Variants in TRRAP observed in about 807,000 individuals in gnomAD.
TRRAP encodes the protein transformation/transcription domain-associated protein.
Under a neutral mutation model 438.8 loss-of-function variants are expected in TRRAP, and 41 were observed. The ratio of observed to expected loss-of-function variants is 0.09; its 90% CI spans 0.07 to 0.12. TRRAP has a LOEUF of 0.12. Among genes scored for constraint, TRRAP ranks in the 10% least tolerant of loss-of-function variants. The pLI is 1.00. For synonymous variants in TRRAP, 1,994 were observed against 1,962.9 expected, an observed-to-expected ratio of 1.02 and a Z score of -0.42; for missense variants, 3,122 against 5,055.1, an observed-to-expected ratio of 0.62 and a Z score of 11.60.
Position 98,897,733 on chromosome 7 carries a change from T to C in TRRAP, c.508-8T>C. ...TTAGGAAAAAATATTTTTATGACTT[T>C]TATGTAGAACCGCTACTTTGAGAAC... On this transcript the variant is annotated splice_polypyrimidine_tract_variant and splice_region_variant and intron_variant, in intron 7 of 72. Transcript: ENST00000456197. 1.2e-6 allele frequency: 2 copies of C among 1,611,052 alleles called. No individual in the cohort carries two copies. The highest frequency in any genetic ancestry group is 1.3e-5 in the African/African-American group (1 of 74,710).
At chr7:98,891,448 A>G (rs1554404859) in intron 4 of TRRAP, among the ~76,000 whole-genome samples, 1 of 149,732 alleles carries the variant, frequency 6.7e-6, no homozygotes. Context: ...TGATCCGCCC[A>G]CCTCGGCCTC....
In TRRAP at chr7:98,921,878, G is replaced by A. The variant is rs782473604; in HGVS notation, c.2748G>A (p.Val916=). 14 of 1,614,110 alleles carry A rather than the reference G, an allele frequency of 8.7e-6. No homozygotes were observed. The highest frequency in any genetic ancestry group is 3.4e-6 in the Non-Finnish European group (4 of 1,180,058). Residue 916 remains valine (V), a synonymous_variant, in exon 21 of 73, where the codon GTG becomes GTA. Transcript: ENST00000456197. ...LKESQKLHYV[V]TEVQGPSITV... is the part of the protein sequence containing the mutation. ...AGTCGCAGAAGCTGCACTACGTTGT[G>A]ACCGAGGTTCAGGGCCCCAGCATCA...
intron 18 of TRRAP, among the ~76,000 whole-genome samples, chr7:98,913,161 A>G (rs1789357299): frequency 6.6e-6 from 1 of 152,020 alleles, no homozygotes; most frequent in Non-Finnish European, 1.5e-5. Context: ...TCACCTGCGC[A>G]TGTTTGCTAC....
rs17161510 is a variant in TRRAP, at chr7:98,921,763, G to A, written c.2633G>A (p.Arg878His). The stretch of plus-strand genomic sequence containing the variant: ...CACGCTGATTTTCAGGCTCTGTGGC[G>A]CACCTTACGCAACCCTGCTGACAGC... ...VRAELMQALW[R>H]TLRNPADSIS... Residue 878 changes from arginine to histidine, a missense_variant, in exon 21 of 73, where the codon CGC (arginine) becomes CAC (histidine). Arg to His is a conservative substitution (Grantham distance 29). Transcript: ENST00000456197. 6.8e-6 allele frequency: 11 copies of A among 1,614,092 alleles called. No homozygotes were observed. Among genetic ancestry groups the A allele is most frequent in the Non-Finnish European group, 7.6e-6 (9 of 1,180,032 alleles).
At chr7:98,909,280 T>A (rs1796945969) in intron 14 of TRRAP, among the ~76,000 whole-genome samples, 1 of 152,158 alleles carries the variant, frequency 6.6e-6, no homozygotes, top group Admixed American at 6.5e-5. Context: ...TGCCTCAGCC[T>A]CCCAAAGTGC....
rs1007667353 is a variant in TRRAP, at chr7:98,976,082, C to T, written c.7840-67C>T. ...GTATGAGACAGATCATGGGTGTCTT[C>T]TGAGCGTGGTTGTGCGAGGCACCCC... On this transcript the variant is annotated intron_variant, in intron 53 of 72. Coordinates refer to ENST00000456197, the MANE Select transcript of TRRAP (RefSeq NM_001375524.1). This position sits in a 1 kb window ranked among gnomAD's most constrained non-coding sequence, Gnocchi z 4.6. 6.9e-6 allele frequency: 11 copies of T among 1,591,806 alleles called. No homozygotes were observed. In the African/African-American group the frequency reaches 8.1e-5, roughly 12 times the overall value.
intron 39 of TRRAP, among the ~76,000 whole-genome samples, chr7:98,952,776 T>C (rs1791397714): frequency 6.6e-6 from 1 of 152,170 alleles, no homozygotes. Context: ...GTTCATCTCA[T>C]GCTCGGTAAG....
intron 45 of TRRAP, among the ~76,000 whole-genome samples, chr7:98,960,757 TTTTGTG>T (rs779961270): frequency 1.1e-5 from 1 of 90,246 alleles, no homozygotes; most frequent in Non-Finnish European, 2.6e-5. Flanking sequence ...ATGCCTGGCT[TTTTGTG>T]TGTGTGTGTG....
intron 46 of TRRAP, among the ~76,000 whole-genome samples, chr7:98,961,735 C>T (rs761638803): frequency 5.5e-4 from 84 of 152,138 alleles, no homozygotes; most frequent in Non-Finnish European, 5.7e-4. Flanking sequence ...GCCTGACCAA[C>T]GTGGAGAAAC....
rs57047314 is a variant in TRRAP at position 98,953,031 on chromosome 7, T to TTG, written c.5464-88_5464-87dup. ...CCTCCTTGTAAAACTTCATGTTACA[T>TTG]TGTGTGTGTGTGTGTGTGTGTGTGT... On this transcript the variant is annotated intron_variant, in intron 39 of 72. Transcript: ENST00000456197. 2,761 of 1,167,394 alleles carry TTG rather than the reference T, an allele frequency of 2.4e-3. 17 individuals are homozygous for TTG. The highest frequency in any genetic ancestry group is 0.02 in the East Asian group (753 of 38,144). 72.3% of individuals were successfully genotyped at this position (1,167,394 alleles called of 1,614,324 possible).
At chr7:98,932,683 CA>C (rs1790377542) in intron 26 of TRRAP, among the ~76,000 whole-genome samples, 1 of 152,156 alleles carries the variant, frequency 6.6e-6, no homozygotes, top group Non-Finnish European at 1.5e-5. Context: ...TATAATCTCC[CA>C]TATACTTTAA....
chr7:98,914,262 T>G (rs1158545163), intron 18 of TRRAP, among the ~76,000 whole-genome samples: 3 of 151,984 alleles, frequency 2.0e-5, no homozygotes, highest in Non-Finnish European at 4.4e-5. Context: ...TAGCTGGATG[T>G]GGTGGTGTGC....
rs1554408567 is a variant in TRRAP at position 98,910,529 on chromosome 7, C to T, written c.1734C>T (p.Asn578=). 2.5e-6 allele frequency: 4 copies of T among 1,614,038 alleles called. No homozygotes were observed. The highest frequency in any genetic ancestry group is 2.5e-6 in the Non-Finnish European group (3 of 1,180,028). Residue 578 remains asparagine (N), a synonymous_variant, in exon 16 of 73, where the codon AAC becomes AAT. Coordinates refer to ENST00000456197, the MANE Select transcript of TRRAP (RefSeq NM_001375524.1). ...KAPGEAQFIP[N]KQLQPKETQI... is the part of the protein sequence containing the mutation. ...TTCCAGAAGCTCAGTTCATTCCCAA[C>T]AAGCAGTTACAACCCAAAGAGACAC...
At chr7:98,893,660 CTG>C (rs1796072971) in intron 5 of TRRAP, 136 bp from the exon 6 acceptor site, 5 of 768,856 alleles carry the variant, frequency 6.5e-6, no homozygotes, top group East Asian at 5.5e-5. Flanking sequence ...TCTGGGACAA[CTG>C]TGTTCTGTGA....
intron 4 of TRRAP, among the ~76,000 whole-genome samples, chr7:98,890,669 CAT>C (rs1292922479): frequency 4.6e-5 from 7 of 151,734 alleles, no homozygotes; most frequent in East Asian, 1.9e-4. Context: ...CAACTGATGA[CAT>C]GTGTGTACAC....
Position 98,992,195 on chromosome 7 carries a change from T to G in TRRAP, c.9815T>G (p.Leu3272Arg). 1 of 1,614,160 alleles carries G rather than the reference T, an allele frequency of 6.2e-7. No individual in the cohort carries two copies. ...YFPIRTLYLT[L>R]KIEQRERYKS... is the part of the protein sequence containing the mutation. ...CCCATCCGGACCCTGTACCTGACCC[T>G]GAAAATAGAACAGCGGGAACGCTAC... Residue 3272 changes from leucine to arginine, a missense_variant, in exon 65 of 73, where the codon CTG becomes CGG. Physicochemically the swap from Leu to Arg is moderately radical, Grantham distance 102 (BLOSUM62 -2). Coordinates refer to ENST00000456197, the MANE Select transcript of TRRAP (RefSeq NM_001375524.1).
intron 67 of TRRAP, chr7:98,999,406 G>T: frequency 8.4e-7 from 1 of 1,192,404 alleles, no homozygotes; most frequent in South Asian, 1.2e-5. Flanking sequence ...TGATCTACAT[G>T]AGATCCAGCA....
intron 53 of TRRAP, among the ~76,000 whole-genome samples, chr7:98,972,808 G>A (rs1792477727): frequency 6.6e-6 from 1 of 152,164 alleles, no homozygotes; most frequent in Admixed American, 6.5e-5. Context: ...AAATCTTTTG[G>A]TGACCTATGT....
intron 24 of TRRAP, 96 bp downstream of exon 24, chr7:98,930,302 C>T (rs941221895): frequency 1.3e-5 from 18 of 1,431,678 alleles, no homozygotes; most frequent in Middle Eastern, 2.3e-4. Context: ...TGCGGCCAGA[C>T]GCAGTGGCTC....
Sources: allele counts gnomAD v4.1 joint callset (sites outside exome capture counted in the v4.1 genomes callset), GRCh38; gene constraint gnomAD v4.1.1; non-coding constraint Gnocchi (gnomAD v3.1); transcripts MANE v1.5; gene names NCBI Gene and HGNC (gene_info 2026-07-23, HGNC 2026-07-21).